The following TPH2 variants were observed in gnomAD, a reference collection of about 807,000 sequenced individuals.
The protein encoded by TPH2 is tryptophan hydroxylase 2.
A neutral mutation model predicts 59.1 loss-of-function variants in TPH2; 27 were observed. The ratio of observed to expected loss-of-function variants is 0.46; its 90% confidence interval spans 0.34 to 0.63. TPH2 has a LOEUF of 0.63. Ranked by LOEUF, TPH2 falls within the 30% of genes least tolerant of loss-of-function variation. The pLI is 0.01. For synonymous variants in TPH2, 220 were observed against 210.5 expected (o/e 1.05, Z -0.39); for missense variants, 523 against 588.3 (o/e 0.89, Z 1.15).
At chr12:71,978,294 C>T (rs929239116) in intron 6 of TPH2, among the ~76,000 whole-genome samples, 5 of 151,780 alleles carry the variant, frequency 3.3e-5, no homozygotes, top group African/African-American at 9.7e-5. Flanking sequence ...AGCCCTTAGA[C>T]TGAGAACACT....
intron 5 of TPH2, among the ~76,000 whole-genome samples, chr12:71,971,749 C>A (rs1467854514): frequency 6.6e-6 from 1 of 152,122 alleles, no homozygotes; most frequent in African/African-American, 2.4e-5. Context: ...GTTTATGGGC[C>A]AAATAAAGAC....
intron 7 of TPH2, among the ~76,000 whole-genome samples, chr12:71,983,532 G>C (rs11179027): frequency 0.26 from 40,240 of 151,996 alleles, 5,666 homozygotes; most frequent in East Asian, 0.47. Context: ...ACAAAATCTT[G>C]AGAAGTTCTA....
intron 2 of TPH2, among the ~76,000 whole-genome samples, chr12:71,943,376 G>A (rs1369154353): frequency 1.3e-5 from 2 of 152,146 alleles, no homozygotes; most frequent in African/African-American, 4.8e-5. Flanking sequence ...GAAGATGTCT[G>A]CTTATTTGTA....
rs775596364 is a variant in TPH2, at chr12:71,994,443, A to G, written c.946A>G (p.Thr316Ala). The G allele has an allele frequency of 6.2e-7, 1 of 1,613,926 alleles. No homozygotes were observed. The highest frequency in any genetic ancestry group is 1.7e-5 in the Admixed American group (1 of 60,024). Reference protein sequence around the residue: ...SDPLYTPEPDTCHELLGHVPL... With the variant: ...SDPLYTPEPDACHELLGHVPL... ...TTGTGATGTCTTTTTTGTCAGAGACACATGCCATGAACTCTTGGGACATGT... is the reference window on the plus strand; with the variant it reads ...TTGTGATGTCTTTTTTGTCAGAGACGCATGCCATGAACTCTTGGGACATGT... The change falls in exon 8 of 11, where the codon ACA becomes GCA. Residue 316 changes from threonine (T) to alanine (A), a missense_variant. Physicochemically the swap from Thr to Ala is moderately conservative, Grantham distance 58 (BLOSUM62 0). Coordinates refer to ENST00000333850, the MANE Select transcript of TPH2 (RefSeq NM_173353.4).
chr12:72,008,575 C>A (rs747397617), intron 8 of TPH2, among the ~76,000 whole-genome samples: 5 of 152,196 alleles, frequency 3.3e-5, no homozygotes, highest in Non-Finnish European at 7.3e-5. Context: ...TCCTGGTATT[C>A]ATTCACATGA....
At position 71,983,826 on chromosome 12, in the gene TPH2, C is replaced by A. The variant is rs11835828; in HGVS notation, c.941+4739C>A. ...GAGAAAGAGAGAGATAGCACAAACC[C>A]TGGCAACTAGCAGTGTGTGGGCCCC... is the stretch of plus-strand genomic sequence containing the variant. On this transcript the variant is annotated intron_variant, in intron 7 of 10. Transcript: ENST00000333850. 2.2e-3 allele frequency among the ~76,000 whole-genome samples: 334 copies of A among 151,558 alleles called. 4 individuals are homozygous for A. The highest frequency in any genetic ancestry group is 7.6e-3 in the African/African-American group (315 of 41,312).
chr12:71,998,313 CA>C, intron 8 of TPH2, among the ~76,000 whole-genome samples: 1 of 152,052 alleles, frequency 6.6e-6, no homozygotes, highest in East Asian at 1.9e-4. Flanking sequence ...TTTTGCAGAC[CA>C]AAGAGAAATT....
chr12:72,012,141 G>A (rs904278957), intron 8 of TPH2, among the ~76,000 whole-genome samples: 3 of 151,828 alleles, frequency 2.0e-5, no homozygotes, highest in African/African-American at 4.8e-5. Flanking sequence ...AGTACCTTCC[G>A]CATGTCAGGC....
At chr12:72,013,993 G>A (rs550809759) in intron 8 of TPH2, among the ~76,000 whole-genome samples, 27 of 152,234 alleles carry the variant, frequency 1.8e-4, no homozygotes, top group South Asian at 8.3e-4. Context: ...TGAGAGGCTC[G>A]AAGAGAGTAT....
chr12:72,028,353 G>A (rs1424025000), intron 9 of TPH2, among the ~76,000 whole-genome samples: 1 of 152,146 alleles, frequency 6.6e-6, no homozygotes, highest in Non-Finnish European at 1.5e-5. Context: ...TACAATAGCT[G>A]CTCCCCAAAA....
At chr12:72,023,756 G>A (rs867527709) in intron 9 of TPH2, among the ~76,000 whole-genome samples, 9 of 147,488 alleles carry the variant, frequency 6.1e-5, no homozygotes, top group Non-Finnish European at 1.0e-4. Flanking sequence ...CCCAGGAGGC[G>A]GAGGTTGCAG....
chr12:71,979,724 C>T (rs1036816610), intron 7 of TPH2, among the ~76,000 whole-genome samples: 25 of 152,204 alleles, frequency 1.6e-4, no homozygotes, highest in African/African-American at 5.6e-4. Flanking sequence ...ACTGCTCTGA[C>T]ATGGGTAAGA....
intron 8 of TPH2, among the ~76,000 whole-genome samples, chr12:71,998,686 CTA>C (rs1872751549): frequency 6.6e-6 from 1 of 152,240 alleles, no homozygotes; most frequent in South Asian, 2.1e-4. Context: ...GATAAAAAGT[CTA>C]TGGCAGGGGG....
intron 7 of TPH2, among the ~76,000 whole-genome samples, chr12:71,979,754 C>T (rs773855848): frequency 6.6e-6 from 1 of 152,220 alleles, no homozygotes; most frequent in South Asian, 2.1e-4. Flanking sequence ...AAGCTGGGAA[C>T]ACCCACATGT....
rs1318602856 is a variant in TPH2, at chr12:71,979,012, C to A, written c.866C>A (p.Ala289Glu). ...AGYLSPRDFL[A>E]GLAYRVFHCT... ...TACCTGAGCCCACGAGACTTTCTGG[C>A]AGGACTGGCCTACAGAGTGTTCCAC... is the stretch of plus-strand genomic sequence containing the variant. The change falls in exon 7 of 11, where the codon GCA becomes GAA. Residue 289 changes from alanine (A) to glutamate (E), a missense_variant. Coordinates refer to ENST00000333850, the MANE Select transcript of TPH2 (RefSeq NM_173353.4). 18 of 1,614,024 alleles carry A rather than the reference C, an allele frequency of 1.1e-5. No individual in the cohort carries two copies. Among genetic ancestry groups the A allele is most frequent in the Non-Finnish European group, 1.4e-5 (17 of 1,179,890 alleles).
intron 5 of TPH2, among the ~76,000 whole-genome samples, chr12:71,966,614 G>A (rs995038379): frequency 6.6e-6 from 1 of 152,158 alleles, no homozygotes; most frequent in Admixed American, 6.5e-5. Flanking sequence ...AATAGTAAAT[G>A]AGTTCATTCT....
chr12:71,945,601 C>A (rs532629429), intron 4 of TPH2, among the ~76,000 whole-genome samples: 1 of 152,110 alleles, frequency 6.6e-6, no homozygotes, highest in Non-Finnish European at 1.5e-5. Context: ...CTATACTCTG[C>A]GCAGTGGCTC....
At chr12:72,028,827 A>T (rs1189311323) in intron 9 of TPH2, among the ~76,000 whole-genome samples, 1 of 152,168 alleles carries the variant, frequency 6.6e-6, no homozygotes, top group Non-Finnish European at 1.5e-5. Context: ...ATTAACTTCC[A>T]GTTTTTCCTT....
intron 4 of TPH2, among the ~76,000 whole-genome samples, chr12:71,947,852 G>A (rs1387379014): frequency 6.6e-6 from 1 of 152,174 alleles, no homozygotes; most frequent in Non-Finnish European, 1.5e-5. Flanking sequence ...GGTGTTTGCA[G>A]AAGAGAGGCA....
Sources: gnomAD v4.1 joint callset for allele counts (sites outside exome capture counted in the v4.1 genomes callset) on GRCh38, gnomAD v4.1.1 for gene constraint, MANE v1.5 for transcripts, NCBI Gene and HGNC (gene_info 2026-07-23, HGNC 2026-07-21) for gene names.